The following BUD23 variants were observed in gnomAD, a reference collection of about 807,000 sequenced individuals.
BUD23 encodes the protein 18S rRNA (guanine-N(7))-methyltransferase.
BUD23 carries 34 observed loss-of-function variants against 47.0 expected under a neutral mutation model. The observed-to-expected ratio is 0.72, with a 90% confidence interval of 0.55 to 0.96. The LOEUF is 0.96. Ranked by LOEUF, BUD23 falls within the 40% of genes least tolerant of loss-of-function variation. BUD23 has a pLI of 0.00. For missense variants in BUD23, 343 were observed against 361.2 expected (o/e 0.95, Z 0.41); for synonymous variants, 124 against 132.0 (o/e 0.94, Z 0.41).
At chr7:73,692,012 G>T (rs1554614107) in intron 6 of BUD23, among the ~76,000 whole-genome samples, 2 of 152,130 alleles carry the variant, frequency 1.3e-5, no homozygotes, top group African/African-American at 4.8e-5. Flanking sequence ...TCTGGCCACT[G>T]GTCTTTCTTG....
intron 10 of BUD23, chr7:73,694,669 CT>C (rs1554614623): frequency 6.6e-6 from 1 of 152,614 alleles, no homozygotes. Context: ...TCACTTGTGA[CT>C]TTTTTTCATG....
chr7:73,689,837 GGA>G (rs782220692), intron 5 of BUD23, among the ~76,000 whole-genome samples: 3 of 152,254 alleles, frequency 2.0e-5, no homozygotes, highest in East Asian at 1.9e-4. Flanking sequence ...TGGTGAAAGA[GGA>G]GAGAGAGTTA....
chr7:73,685,809 G>C (rs1797943568), intron 2 of BUD23, among the ~76,000 whole-genome samples: 1 of 151,896 alleles, frequency 6.6e-6, no homozygotes, highest in Admixed American at 6.6e-5. Context: ...TATGACTCCA[G>C]AGGCCGGGCG....
chr7:73,693,128 T>G, intron 7 of BUD23: 1 of 601,354 alleles, frequency 1.7e-6, no homozygotes, highest in Non-Finnish European at 3.0e-6. Flanking sequence ...GGGAGTTGCT[T>G]TGTTCTGTAA....
chr7:73,696,699 T>C (rs1798414870), intron 10 of BUD23: 1 of 152,124 alleles, frequency 6.6e-6, no homozygotes, highest in African/African-American at 2.4e-5. Context: ...ACAGGTGAAT[T>C]AAGAAAAAGT....
At chr7:73,686,520 G>T in intron 2 of BUD23, 116 bp from the exon 3 acceptor site, 1 of 888,444 alleles carries the variant, frequency 1.1e-6, no homozygotes, top group East Asian at 2.4e-5. Flanking sequence ...CGGGATGATT[G>T]ATCCGTTTTT....
At position 73,694,047 on chromosome 7, in the gene BUD23, A is replaced by G; in HGVS notation, c.698A>G (p.Glu233Gly). ...CCCAGGGAGTCTGTGTTCACCAATG[A>G]GAGGTAAAGCAACTGCTGAAGCCTG... ...VEPRESVFTN[E>G]RFPLRMSRRG... The change falls in exon 10 of 12, where the codon GAG (glutamate) becomes GGG (glycine). Residue 233 changes from glutamate (E) to glycine (G), a missense_variant. Physicochemically the swap from Glu to Gly is moderately conservative, Grantham distance 98. Coordinates refer to ENST00000265758, the MANE Select transcript of BUD23 (RefSeq NM_017528.5). 6.2e-7 allele frequency: 1 copy of G among 1,608,944 alleles called. No individual in the cohort carries two copies. The highest frequency in any genetic ancestry group is 8.5e-7 in the Non-Finnish European group (1 of 1,178,690).
chr7:73,687,500 C>T (rs1798022664), intron 5 of BUD23, among the ~76,000 whole-genome samples: 1 of 152,180 alleles, frequency 6.6e-6, no homozygotes, highest in Admixed American at 6.5e-5. Flanking sequence ...TGGTTTCAAT[C>T]TCTTGACCTT....
At chr7:73,686,965 TTC>T in intron 4 of BUD23, 32 bp from the exon 5 acceptor site, 2 of 1,614,098 alleles carry the variant, frequency 1.2e-6, no homozygotes, top group Middle Eastern at 1.6e-4. Flanking sequence ...CCACAGGTAT[TTC>T]TCTTTCTCTG....
chr7:73,696,465 TA>T (rs1798405545), intron 10 of BUD23: 2 of 152,240 alleles, frequency 1.3e-5, no homozygotes, highest in Admixed American at 6.5e-5. Flanking sequence ...TAAATGTGGG[TA>T]AGTTGAATGA....
chr7:73,683,673 G>C lies in BUD23; in HGVS notation c.48G>C (p.Leu16=), dbSNP rs1554612112. The change falls in exon 1 of 12, where the codon CTG becomes CTC. Residue 16 remains leucine, a splice_region_variant and synonymous_variant. Coordinates refer to ENST00000265758, the MANE Select transcript of BUD23 (RefSeq NM_017528.5). The stretch of plus-strand genomic sequence containing the variant: ...CGGAGCATGGCGGACCCCCAGAGCT[G>C]GTAAGTCCCGGGGCCCGCGGACACC... ...RRPEHGGPPE[L]FYDETEARKY... is the part of the protein sequence containing the mutation. The C allele has an allele frequency of 1.2e-6, 2 of 1,613,604 alleles. No homozygotes were observed. The highest frequency in any genetic ancestry group is 1.7e-5 in the Admixed American group (1 of 60,004).
intron 5 of BUD23, among the ~76,000 whole-genome samples, chr7:73,690,511 C>G (rs782061703): frequency 6.6e-6 from 1 of 152,140 alleles, no homozygotes; most frequent in South Asian, 2.1e-4. Flanking sequence ...CAGATGGAAA[C>G]AAGGTGGAGG....
At chr7:73,685,162 G>C (rs2116667138) in intron 2 of BUD23, among the ~76,000 whole-genome samples, 1 of 151,576 alleles carries the variant, frequency 6.6e-6, no homozygotes, top group Non-Finnish European at 1.5e-5. Flanking sequence ...ACAGATATTA[G>C]CCGGGCCTAC....
intron 5 of BUD23, among the ~76,000 whole-genome samples, chr7:73,688,340 A>G (rs1554613455): frequency 6.6e-6 from 1 of 152,142 alleles, no homozygotes; most frequent in African/African-American, 2.4e-5. Flanking sequence ...GTGACAGAGC[A>G]ACACTTCATC....
At chr7:73,690,395 G>GTGTA (rs71082252) in intron 5 of BUD23, among the ~76,000 whole-genome samples, 2,654 of 152,280 alleles carry the variant, frequency 0.017, 45 homozygotes, top group Non-Finnish European at 0.031. Context: ...GGATGGCTGT[G>GTGTA]TGTATGTGAG....
intron 10 of BUD23, chr7:73,694,401 C>T (rs1798314505): frequency 4.2e-6 from 1 of 240,344 alleles, no homozygotes; most frequent in African/African-American, 2.3e-5. Flanking sequence ...TTCCTGCATC[C>T]TCATCTTGAC....
At chr7:73,687,180 A>G in intron 5 of BUD23, 85 bp downstream of exon 5, 1 of 1,412,434 alleles carries the variant, frequency 7.1e-7, no homozygotes, top group Non-Finnish European at 9.8e-7. Context: ...GTCTGTGATT[A>G]TGGCTCACAC....
chr7:73,690,329 TGTAAAGACACTTAACAGGTA>T (rs1439759984), intron 5 of BUD23, among the ~76,000 whole-genome samples: 1 of 152,106 alleles, frequency 6.6e-6, no homozygotes, highest in Non-Finnish European at 1.5e-5. Context: ...ATCTGGGGGT[TGTAAAGACACTTAACAGGTA>T]GAGTGGAAGG....
intron 8 of BUD23, 73 bp downstream of exon 8, chr7:73,693,487 CAGT>C (rs2116698743): frequency 5.6e-6 from 9 of 1,597,802 alleles, no homozygotes; most frequent in East Asian, 2.2e-5. Context: ...TCAGGCCACT[CAGT>C]GGTGCAGAGG....
Sources: allele counts gnomAD v4.1 joint callset (sites outside exome capture counted in the v4.1 genomes callset), GRCh38; gene constraint gnomAD v4.1.1; transcripts MANE v1.5; gene names NCBI Gene and HGNC (gene_info 2026-07-23, HGNC 2026-07-21).